Variants in CPB2 observed in about 807,000 individuals in gnomAD.
CPB2 encodes carboxypeptidase B-like protein.
A neutral mutation model predicts 57.0 loss-of-function variants in CPB2; 54 were observed. The observed-to-expected ratio is 0.95, with a 90% CI of 0.76 to 1.19. The LOEUF (loss-of-function observed/expected upper bound fraction) is 1.19, where lower values mean the gene tolerates loss of function less well. Ranked by LOEUF, CPB2 falls within the 50% of genes most tolerant of loss-of-function variation. The pLI, the probability that CPB2 is intolerant of heterozygous loss-of-function variation, is 0.00. For synonymous variants in CPB2, 189 were observed against 178.1 expected (o/e 1.06, Z -0.49); for missense variants, 426 against 512.0 (o/e 0.83, Z 1.62).
chr13:46,090,855 G>T (rs1206161349), intron 1 of CPB2, among the ~76,000 whole-genome samples: 2 of 151,666 alleles, frequency 1.3e-5, no homozygotes, highest in African/African-American at 4.9e-5. Flanking sequence ...CTCCTGAGTA[G>T]CTGGGATTAC....
chr13:46,073,783 T>C (rs1276598729), intron 6 of CPB2, 90 bp downstream of exon 6: 2 of 779,226 alleles, frequency 2.6e-6, no homozygotes, highest in Non-Finnish European at 3.9e-6. Context: ...CCTAGGAAAA[T>C]GCATTTTAAT....
intron 7 of CPB2, among the ~76,000 whole-genome samples, chr13:46,066,393 CT>C (rs1253754366): frequency 6.6e-6 from 1 of 151,966 alleles, no homozygotes; most frequent in Non-Finnish European, 1.5e-5. Context: ...ATGGGAAACT[CT>C]TTTCTTTGAC....
Position 46,087,036 on chromosome 13 carries a change from A to G in CPB2, c.150+709T>C, listed in dbSNP as rs115443148. ...TGAGGGTCCTTCTCAGAACACTGAGAGTGCAGAAATGCCTGGGTCTGCAAC... is the reference window on the plus strand; with the variant it reads ...TGAGGGTCCTTCTCAGAACACTGAGGGTGCAGAAATGCCTGGGTCTGCAAC... On this transcript the variant is annotated intron_variant, in intron 2 of 10. Transcript: ENST00000181383. Among the ~76,000 whole-genome samples the G allele has an allele frequency of 2.7e-3, 410 of 152,328 alleles. 4 individuals are homozygous for G. Among genetic ancestry groups the G allele is most frequent in the African/African-American group, 9.2e-3 (383 of 41,574 alleles).
chr13:46,101,077 G>T (rs2045428640), intron 1 of CPB2: 1 of 152,110 alleles, frequency 6.6e-6, no homozygotes, highest in Non-Finnish European at 1.5e-5. Context: ...CCTAACTTAG[G>T]AGTATTTTTT....
intron 10 of CPB2, among the ~76,000 whole-genome samples, chr13:46,055,097 A>G (rs1212123195): frequency 1.0e-4 from 15 of 146,992 alleles, no homozygotes; most frequent in Non-Finnish European, 2.2e-4. Context: ...AAAAGGAAAA[A>G]CCTGGATTTG....
chr13:46,078,912 G>A lies in CPB2; in HGVS notation c.385-11C>T. On this transcript the variant is annotated splice_polypyrimidine_tract_variant and intron_variant, in intron 4 of 10. Transcript: ENST00000181383. ...TATCCAAGAATAGATCTAGCAAAAT[G>A]GAAACCAGAGGTTAGTCACGAAGCC... 1 of 1,530,998 alleles carries A rather than the reference G, an allele frequency of 6.5e-7. No individual in the cohort carries two copies. The highest frequency in any genetic ancestry group is 9.0e-7 in the Non-Finnish European group (1 of 1,105,714). The allele number at this position is 1,530,998 out of a possible 1,614,324, so 94.8% of individuals were successfully genotyped here. A position where few individuals can be genotyped will look rare whatever the true frequency, so the allele number is the denominator to read the frequency against.
At chr13:46,079,551 A>AAAAGAAAAAAAAAAAAAAAAAAAG (rs1555309760) in intron 4 of CPB2, among the ~76,000 whole-genome samples, 3 of 124,704 alleles carry the variant, frequency 2.4e-5, no homozygotes, top group African/African-American at 3.4e-5. Context: ...AAAAAAAAAA[A>AAAAGAAAAAAAAAAAAAAAAAAAG]AAAAGAAAAG....
At chr13:46,060,387 A>G (rs1254315260) in intron 8 of CPB2, among the ~76,000 whole-genome samples, 2 of 151,754 alleles carry the variant, frequency 1.3e-5, no homozygotes, top group Non-Finnish European at 2.9e-5. Flanking sequence ...GCTTGAACCC[A>G]GGAGGCAGAG....
At chr13:46,063,711 G>C (rs1566399598) in intron 8 of CPB2, among the ~76,000 whole-genome samples, 1 of 152,082 alleles carries the variant, frequency 6.6e-6, no homozygotes, top group Non-Finnish European at 1.5e-5. Context: ...GAGTCAAATA[G>C]TAATTCTACT....
At chr13:46,057,165 A>AT (rs2044708742) in intron 9 of CPB2, among the ~76,000 whole-genome samples, 1 of 152,044 alleles carries the variant, frequency 6.6e-6, no homozygotes, top group Non-Finnish European at 1.5e-5. Flanking sequence ...AAAAAAAAAA[A>AT]GCATAATTAG....
intron 5 of CPB2, among the ~76,000 whole-genome samples, chr13:46,077,817 G>A (rs545476665): frequency 1.5e-4 from 23 of 152,250 alleles, no homozygotes; most frequent in Admixed American, 5.2e-4. Context: ...GCAGCAACAT[G>A]CCCTGAAATA....
At chr13:46,099,273 A>G (rs888680315) in intron 1 of CPB2, 2 of 152,176 alleles carry the variant, frequency 1.3e-5, no homozygotes, top group Admixed American at 6.5e-5. Flanking sequence ...ATAGAGATAT[A>G]CCAGGAAATA....
intron 6 of CPB2, among the ~76,000 whole-genome samples, chr13:46,072,379 G>C (rs115479231): frequency 1.1e-3 from 163 of 152,270 alleles, no homozygotes; most frequent in African/African-American, 3.8e-3. Context: ...AGTACTAAGA[G>C]AGTCAGATGA....
intron 7 of CPB2, among the ~76,000 whole-genome samples, chr13:46,066,102 T>A (rs1211278457): frequency 6.6e-6 from 1 of 151,934 alleles, no homozygotes; most frequent in African/African-American, 2.4e-5. Context: ...ATCTTCTGCA[T>A]AAATTACCTC....
chr13:46,076,136 A>G (rs1054821582), intron 5 of CPB2, among the ~76,000 whole-genome samples: 1 of 152,226 alleles, frequency 6.6e-6, no homozygotes, highest in Non-Finnish European at 1.5e-5. Context: ...TGTACCAGGA[A>G]GTACTAACCA....
intron 5 of CPB2, among the ~76,000 whole-genome samples, chr13:46,075,379 G>A (rs189391392): frequency 2.6e-5 from 4 of 152,304 alleles, no homozygotes; most frequent in Non-Finnish European, 4.4e-5. Flanking sequence ...TTCTGACACC[G>A]AAAAGTTGGC....
chr13:46,074,977 C>G (rs1225321326), intron 5 of CPB2, among the ~76,000 whole-genome samples: 1 of 152,204 alleles, frequency 6.6e-6, no homozygotes, highest in Admixed American at 6.5e-5. Context: ...CTATTCATCT[C>G]CAGTTGCGTG....
intron 6 of CPB2, among the ~76,000 whole-genome samples, chr13:46,067,771 G>C (rs1183623732): frequency 6.6e-6 from 1 of 152,168 alleles, no homozygotes; most frequent in Non-Finnish European, 1.5e-5. Flanking sequence ...TGTAATTCAT[G>C]TTCATCAGAG....
chr13:46,074,943 C>T (rs1045368018), intron 5 of CPB2, among the ~76,000 whole-genome samples: 1 of 152,320 alleles, frequency 6.6e-6, no homozygotes, highest in East Asian at 1.9e-4. Context: ...AAGCATTGCT[C>T]AGGCAGTAAT....
Sources: allele counts gnomAD v4.1 joint callset (sites outside exome capture counted in the v4.1 genomes callset), GRCh38; gene constraint gnomAD v4.1.1; transcripts MANE v1.5; gene names NCBI Gene and HGNC (gene_info 2026-07-23, HGNC 2026-07-21).